Variants in SAMMSON observed in about 807,000 individuals in gnomAD.
The protein encoded by SAMMSON is long intergenic non-protein coding RNA 1212.
intron 6 of SAMMSON, among the ~76,000 whole-genome samples, chr3:70,258,151 C>T (rs1222071316): frequency 2.0e-5 from 3 of 151,942 alleles, no homozygotes; most frequent in Non-Finnish European, 4.4e-5. Flanking sequence ...AATGGATCAT[C>T]GATCTAAATG....
At chr3:70,273,619 T>C (rs1210213615) in intron 6 of SAMMSON, among the ~76,000 whole-genome samples, 1 of 152,142 alleles carries the variant, frequency 6.6e-6, no homozygotes, top group Non-Finnish European at 1.5e-5. Flanking sequence ...TATAAGAGCA[T>C]TTTGACAGTA....
At chr3:70,073,572 G>T (rs542982144) in intron 4 of SAMMSON, among the ~76,000 whole-genome samples, 52 of 152,030 alleles carry the variant, frequency 3.4e-4, no homozygotes, top group African/African-American at 1.2e-3. Flanking sequence ...TGGTTTAGTT[G>T]ATTTTTCCCC....
chr3:70,413,136 T>C (rs1164394417), intron 2 of SAMMSON, among the ~76,000 whole-genome samples: 1 of 152,146 alleles, frequency 6.6e-6, no homozygotes, highest in East Asian at 1.9e-4. Flanking sequence ...GAAGGAAATG[T>C]CAAATATCTT....
chr3:70,328,294 A>G (rs1471889741), intron 7 of SAMMSON, among the ~76,000 whole-genome samples: 1 of 152,148 alleles, frequency 6.6e-6, no homozygotes, highest in Non-Finnish European at 1.5e-5. Flanking sequence ...ATTACCACGT[A>G]CCCAAAGAAG....
chr3:70,266,477 G>C (rs968375412), intron 6 of SAMMSON, among the ~76,000 whole-genome samples: 1 of 152,036 alleles, frequency 6.6e-6, no homozygotes, highest in East Asian at 1.9e-4. Flanking sequence ...CTGGAGAGTA[G>C]TGGCACAATC....
chr3:70,389,815 CA>C (rs1701029875), exon 10 of SAMMSON: 1 of 152,092 alleles, frequency 6.6e-6, no homozygotes, highest in African/African-American at 2.4e-5. Flanking sequence ...GTGTGGATGT[CA>C]TTTGCGATTT....
chr3:70,360,910 T>C (rs1212296303), intron 9 of SAMMSON, among the ~76,000 whole-genome samples: 1 of 152,178 alleles, frequency 6.6e-6, no homozygotes, highest in Non-Finnish European at 1.5e-5. Context: ...TAGCAGAGCA[T>C]ACATGTAATG....
intron 9 of SAMMSON, among the ~76,000 whole-genome samples, chr3:70,360,527 A>G (rs1354130335): frequency 6.6e-6 from 1 of 151,990 alleles, no homozygotes; most frequent in Non-Finnish European, 1.5e-5. Flanking sequence ...GACTAAACGC[A>G]CTCTATTCCA....
intron 2 of SAMMSON, among the ~76,000 whole-genome samples, chr3:70,434,080 G>A (rs549099274): frequency 2.0e-4 from 31 of 152,082 alleles, no homozygotes; most frequent in Non-Finnish European, 3.8e-4. Flanking sequence ...GGTTATAACC[G>A]TCCTCTGAAT....
chr3:70,374,951 G>T (rs189333219), intron 9 of SAMMSON, among the ~76,000 whole-genome samples: 3 of 152,012 alleles, frequency 2.0e-5, no homozygotes, highest in African/African-American at 7.2e-5. Context: ...AACATTTCTA[G>T]GTTGTTATTT....
chr3:70,273,709 A>G (rs777025547), intron 6 of SAMMSON, among the ~76,000 whole-genome samples: 11 of 152,266 alleles, frequency 7.2e-5, no homozygotes, highest in South Asian at 2.1e-4. Flanking sequence ...ACTGGCAGGC[A>G]TTACTAATCA....
At chr3:70,053,401 A>G (rs1029448726) in intron 3 of SAMMSON, among the ~76,000 whole-genome samples, 4 of 152,104 alleles carry the variant, frequency 2.6e-5, no homozygotes, top group African/African-American at 4.8e-5. Context: ...AGACTTGTCA[A>G]TGGGGCAATT....
intron 4 of SAMMSON, among the ~76,000 whole-genome samples, chr3:70,234,603 G>A (rs1701590298): frequency 6.6e-6 from 1 of 150,672 alleles, no homozygotes; most frequent in Non-Finnish European, 1.5e-5. Flanking sequence ...CTATGCCACT[G>A]TACTCCAGCC....
chr3:70,229,763 T>C (rs902348328), intron 4 of SAMMSON, among the ~76,000 whole-genome samples: 5 of 152,144 alleles, frequency 3.3e-5, no homozygotes, highest in African/African-American at 1.2e-4. Context: ...CCTAGGGATA[T>C]CTATCTGCAT....
chr3:70,244,014 C>T (rs569685931), intron 4 of SAMMSON, among the ~76,000 whole-genome samples: 8 of 152,152 alleles, frequency 5.3e-5, no homozygotes, highest in South Asian at 2.1e-4. Context: ...CTCCCCTCTA[C>T]GCAACTTGAC....
chr3:70,392,629 C>T (rs1333135038), downstream of SAMMSON, among the ~76,000 whole-genome samples: 2 of 152,164 alleles, frequency 1.3e-5, no homozygotes, highest in Non-Finnish European at 1.5e-5. Context: ...AATGGGGGCT[C>T]TAGCATCAGT....
At chr3:70,258,154 T>A (rs1057123923) in intron 6 of SAMMSON, among the ~76,000 whole-genome samples, 1 of 152,096 alleles carries the variant, frequency 6.6e-6, no homozygotes, top group African/African-American at 2.4e-5. Flanking sequence ...GGATCATCGA[T>A]CTAAATGTAA....
intron 6 of SAMMSON, among the ~76,000 whole-genome samples, chr3:70,260,130 T>A (rs977432927): frequency 3.3e-5 from 5 of 152,192 alleles, no homozygotes; most frequent in Non-Finnish European, 1.5e-5. Context: ...GGCTAGAATC[T>A]GAAATCAAGG....
intron 3 of SAMMSON, among the ~76,000 whole-genome samples, chr3:70,039,719 C>T (rs1331188908): frequency 6.6e-6 from 1 of 151,386 alleles, no homozygotes; most frequent in East Asian, 1.9e-4. Context: ...GAGGTGGTTC[C>T]CATCAGCCAA....
Sources: allele counts gnomAD v4.1 joint callset (sites outside exome capture counted in the v4.1 genomes callset), GRCh38; gene constraint gnomAD v4.1.1; transcripts MANE v1.5; gene names NCBI Gene and HGNC (gene_info 2026-07-23, HGNC 2026-07-21).